Variants in SEMA3E observed in about 807,000 individuals in gnomAD.
SEMA3E encodes the protein semaphorin-3E.
Under a neutral mutation model 93.6 loss-of-function variants are expected in SEMA3E, and 49 were observed. The observed-to-expected ratio is 0.52, with a 90% CI of 0.42 to 0.66. The LOEUF is 0.66. Among genes scored for constraint, SEMA3E ranks in the 30% least tolerant of loss-of-function variants. SEMA3E has a pLI of 0.00. For missense variants in SEMA3E, 906 were observed against 964.8 expected, an observed-to-expected ratio of 0.94 and a Z score of 0.81; for synonymous variants, 363 against 330.7, an observed-to-expected ratio of 1.10 and a Z score of -1.06.
At chr7:83,450,416 T>A (rs111946297) in intron 4 of SEMA3E, among the ~76,000 whole-genome samples, 8,586 of 151,020 alleles carry the variant, frequency 0.057, 447 homozygotes, top group South Asian at 0.21. Context: ...TGTAAATAAA[T>A]TACAGTAATG....
intron 1 of SEMA3E, among the ~76,000 whole-genome samples, chr7:83,526,128 C>T (rs1486407577): frequency 2.6e-5 from 4 of 151,988 alleles, no homozygotes; most frequent in African/African-American, 9.7e-5. Flanking sequence ...TAATGACAGC[C>T]TATACACATT....
intron 4 of SEMA3E, chr7:83,462,289 C>T (rs1789642472): frequency 6.6e-6 from 1 of 152,232 alleles, no homozygotes; most frequent in Admixed American, 6.5e-5. Flanking sequence ...TTTCCCTTGC[C>T]TCCATAACTG....
At chr7:83,635,335 G>A (rs929428422) in intron 1 of SEMA3E, among the ~76,000 whole-genome samples, 2 of 151,404 alleles carry the variant, frequency 1.3e-5, no homozygotes, top group Non-Finnish European at 3.0e-5. Flanking sequence ...GCTTTGCTCA[G>A]GATTATAGAA....
In SEMA3E at chr7:83,418,267, T is replaced by C. The variant is rs2723033; in HGVS notation, c.550+123A>G. On this transcript the variant is annotated intron_variant, in intron 5 of 16. Transcript: ENST00000643230. The stretch of plus-strand genomic sequence containing the variant: ...AAATTTAATATCATTGCTTCGAGCA[T>C]CAGAAAATAGATATGACAAGGCATA... 0.6 allele frequency: 463,898 copies of C among 772,596 alleles called. 144,102 individuals carry two copies. The highest frequency in any genetic ancestry group is 0.82 in the East Asian group (30,129 of 36,568). 47.9% of individuals were successfully genotyped at this position (772,596 alleles called of 1,614,324 possible). A position where few individuals can be genotyped will look rare whatever the true frequency, so the allele number is the denominator to read the frequency against.
chr7:83,500,443 C>CA (rs1790574077), intron 1 of SEMA3E, among the ~76,000 whole-genome samples: 1 of 151,440 alleles, frequency 6.6e-6, no homozygotes, highest in African/African-American at 2.4e-5. Context: ...CTCAAAAAAA[C>CA]AAAAAACAAA....
chr7:83,554,771 T>C (rs1218471237), intron 1 of SEMA3E, among the ~76,000 whole-genome samples: 1 of 152,060 alleles, frequency 6.6e-6, no homozygotes, highest in Non-Finnish European at 1.5e-5. Flanking sequence ...GGTCAGGAGA[T>C]GGAGACCATC....
chr7:83,507,488 G>A (rs139081195), intron 1 of SEMA3E, among the ~76,000 whole-genome samples: 2 of 151,380 alleles, frequency 1.3e-5, no homozygotes, highest in African/African-American at 4.9e-5. Flanking sequence ...GGGAGAGACA[G>A]ACAGAGATGG....
Position 83,402,734 on chromosome 7 carries a change from A to G in SEMA3E, c.1041T>C (p.Ser347=). 6.2e-7 allele frequency: 1 copy of G among 1,612,926 alleles called. No homozygotes were observed. Among genetic ancestry groups the G allele is most frequent in the East Asian group, 2.2e-5 (1 of 44,794 alleles). ...RGHAICVYHM[S]SIRAAFNGPY... is the part of the protein sequence containing the mutation. ...GTCCGTTGAAGGCTGCCCGAATGCT[A>G]GACATGTGATAGACACATATAGCAT... The change falls in exon 10 of 17, where the codon TCT becomes TCC. Residue 347 remains serine (S), a synonymous_variant. Coordinates refer to ENST00000643230, the MANE Select transcript of SEMA3E (RefSeq NM_012431.3).
At chr7:83,400,380 T>C in intron 10 of SEMA3E, 130 bp from the exon 11 acceptor site, 1 of 828,218 alleles carries the variant, frequency 1.2e-6, no homozygotes, top group East Asian at 2.7e-5. Flanking sequence ...AAATATTTAG[T>C]AATCATATAT....
intron 1 of SEMA3E, among the ~76,000 whole-genome samples, chr7:83,594,796 C>T (rs1253262751): frequency 6.6e-6 from 1 of 151,944 alleles, no homozygotes; most frequent in South Asian, 2.1e-4. Flanking sequence ...GGTATAGTAT[C>T]CAGAATTTGC....
intron 1 of SEMA3E, among the ~76,000 whole-genome samples, chr7:83,598,236 G>C (rs1330006898): frequency 2.6e-5 from 4 of 152,132 alleles, no homozygotes; most frequent in African/African-American, 9.7e-5. Flanking sequence ...CACCAGGACT[G>C]TGCCAAAACC....
At chr7:83,431,300 A>C (rs901312648) in intron 4 of SEMA3E, among the ~76,000 whole-genome samples, 2 of 151,864 alleles carry the variant, frequency 1.3e-5, no homozygotes, top group Non-Finnish European at 2.9e-5. Context: ...GAAATGTAAA[A>C]ATTAATTAAT....
chr7:83,387,881 TA>T (rs1255883535), intron 14 of SEMA3E, among the ~76,000 whole-genome samples: 2 of 143,866 alleles, frequency 1.4e-5, no homozygotes, highest in Non-Finnish European at 3.0e-5. Context: ...TATATATGTT[TA>T]TATATATATA....
At chr7:83,585,510 G>A (rs1792607857) in intron 1 of SEMA3E, among the ~76,000 whole-genome samples, 1 of 152,102 alleles carries the variant, frequency 6.6e-6, no homozygotes, top group Admixed American at 6.6e-5. Context: ...GAGTATTAAA[G>A]AGATAAAATA....
chr7:83,537,215 A>G (rs2115747999), intron 1 of SEMA3E, among the ~76,000 whole-genome samples: 1 of 152,266 alleles, frequency 6.6e-6, no homozygotes, highest in East Asian at 1.9e-4. Flanking sequence ...AGAAATACAT[A>G]TCTGTTGTTT....
At chr7:83,395,890 A>T (rs1293430122) in intron 12 of SEMA3E, among the ~76,000 whole-genome samples, 1 of 152,178 alleles carries the variant, frequency 6.6e-6, no homozygotes, top group Non-Finnish European at 1.5e-5. Context: ...ACATAAAAGA[A>T]GGTTACGTAT....
chr7:83,473,665 G>A lies in SEMA3E; in HGVS notation c.277-4363C>T, dbSNP rs901525512. ...CAACACTAGGCATGCATTCCTGTGC[G>A]GAAATATTCCTCTGGAGTTGAAATG... On this transcript the variant is annotated intron_variant, in intron 2 of 16. Coordinates refer to ENST00000643230, the MANE Select transcript of SEMA3E (RefSeq NM_012431.3). Among the ~76,000 whole-genome samples, 8 of 152,096 alleles carry A rather than the reference G, an allele frequency of 5.3e-5. No homozygotes were observed. In the East Asian group the frequency reaches 7.7e-4, roughly 15 times the overall value.
chr7:83,583,780 G>T (rs549798644), intron 1 of SEMA3E, among the ~76,000 whole-genome samples: 2 of 152,214 alleles, frequency 1.3e-5, no homozygotes, highest in African/African-American at 4.8e-5. Flanking sequence ...TTATTAAAAA[G>T]ATACATTCAA....
chr7:83,594,079 C>A (rs1338690108), intron 1 of SEMA3E, among the ~76,000 whole-genome samples: 1 of 152,266 alleles, frequency 6.6e-6, no homozygotes, highest in South Asian at 2.1e-4. Context: ...AGTATTGAGG[C>A]TGTTCCATAT....
Sources: gnomAD v4.1 joint callset for allele counts (sites outside exome capture counted in the v4.1 genomes callset) on GRCh38, gnomAD v4.1.1 for gene constraint, MANE v1.5 for transcripts, NCBI Gene and HGNC (gene_info 2026-07-23, HGNC 2026-07-21) for gene names.